The following SPOCK1 variants were observed in gnomAD, a reference collection of about 807,000 sequenced individuals.
SPOCK1 encodes the protein testican-1.
SPOCK1 carries 23 observed loss-of-function variants against 55.3 expected under a neutral mutation model. The observed-to-expected ratio is 0.42, with a 90% CI of 0.30 to 0.59. The LOEUF is 0.59. Ranked by LOEUF, SPOCK1 falls within the 20% of genes least tolerant of loss-of-function variation. The pLI, the probability that SPOCK1 is intolerant of heterozygous loss-of-function variation, is 0.22. For synonymous variants in SPOCK1, 226 were observed against 221.0 expected (o/e 1.02, Z -0.20); for missense variants, 499 against 552.5 (o/e 0.90, Z 0.97).
intron 2 of SPOCK1, among the ~76,000 whole-genome samples, chr5:137,391,696 C>T (rs1417890500): frequency 6.6e-6 from 1 of 152,126 alleles, no homozygotes; most frequent in Non-Finnish European, 1.5e-5. Context: ...ATTCCTCCTC[C>T]TCAGCTGGTT....
intron 2 of SPOCK1, among the ~76,000 whole-genome samples, chr5:137,283,466 C>A (rs1410164117): frequency 1.3e-5 from 2 of 152,188 alleles, no homozygotes; most frequent in Admixed American, 1.3e-4. Flanking sequence ...GTAATCCCAG[C>A]ACTATGGGAG....
At chr5:137,290,208 C>G (rs1412908889) in intron 2 of SPOCK1, among the ~76,000 whole-genome samples, 1 of 152,088 alleles carries the variant, frequency 6.6e-6, no homozygotes. Context: ...AAATATCCAC[C>G]AGGAATATTA....
At chr5:137,356,838 T>TATATATATAGAGAGAGAGAGAGAGAG (rs1554077335) in intron 2 of SPOCK1, among the ~76,000 whole-genome samples, 2 of 5,460 alleles carry the variant, frequency 3.7e-4, no homozygotes, top group African/African-American at 1.7e-3. Flanking sequence ...TATATATATA[T>TATATATATAGAGAGAGAGAGAGAGAG]AGAGAGAGAG....
intron 2 of SPOCK1, among the ~76,000 whole-genome samples, chr5:137,422,772 T>C (rs889785511): frequency 2.0e-5 from 3 of 152,246 alleles, no homozygotes; most frequent in Admixed American, 1.3e-4. Flanking sequence ...TCTGAAGCCT[T>C]CTTCTCTCAA....
intron 5 of SPOCK1, among the ~76,000 whole-genome samples, chr5:137,074,379 A>G (rs865958497): frequency 1.8e-4 from 28 of 152,218 alleles, no homozygotes. Flanking sequence ...GTTATATAAG[A>G]GAACACCCCT....
chr5:137,472,002 T>C lies in SPOCK1; in HGVS notation c.186+26371A>G, dbSNP rs1038631935. 2.0e-5 allele frequency among the ~76,000 whole-genome samples: 3 copies of C among 152,032 alleles called. No individual in the cohort carries two copies. The South Asian group carries it at 6.2e-4, about 32-fold the overall frequency. ...AGCAACTGACAAGGGTGAGCAGAAA[T>C]AAAAGGGATGAAAACATCCCTCAAG... On this transcript the variant is annotated intron_variant, in intron 2 of 10. Coordinates refer to ENST00000394945, the MANE Select transcript of SPOCK1 (RefSeq NM_004598.4).
intron 6 of SPOCK1, among the ~76,000 whole-genome samples, chr5:137,018,928 G>GA (rs1751506818): frequency 6.6e-6 from 1 of 152,066 alleles, no homozygotes; most frequent in Non-Finnish European, 1.5e-5. Context: ...GAATGTAATT[G>GA]AAAAATCAAC....
intron 5 of SPOCK1, among the ~76,000 whole-genome samples, chr5:137,079,322 G>A (rs1375979099): frequency 6.6e-6 from 1 of 152,198 alleles, no homozygotes; most frequent in Non-Finnish European, 1.5e-5. Context: ...ATAGATGCAT[G>A]GGCAGGAGGA....
chr5:137,021,415 TAAG>T (rs963389490), intron 6 of SPOCK1, among the ~76,000 whole-genome samples: 48 of 152,186 alleles, frequency 3.2e-4, no homozygotes, highest in African/African-American at 1.1e-3. Context: ...TAGCACGAAA[TAAG>T]GAGGAGAGAG....
At chr5:137,341,535 A>G (rs1485571100) in intron 2 of SPOCK1, among the ~76,000 whole-genome samples, 1 of 152,260 alleles carries the variant, frequency 6.6e-6, no homozygotes, top group Non-Finnish European at 1.5e-5. Context: ...TGTGCCTACT[A>G]GCACAGAAGG....
intron 4 of SPOCK1, among the ~76,000 whole-genome samples, chr5:137,132,019 TA>T (rs796357647): frequency 1.2e-4 from 7 of 56,078 alleles, no homozygotes; most frequent in African/African-American, 5.1e-4. Flanking sequence ...TATATATATA[TA>T]AAAAATTAGC....
At chr5:137,298,226 C>T (rs1318811327) in intron 2 of SPOCK1, among the ~76,000 whole-genome samples, 1 of 152,176 alleles carries the variant, frequency 6.6e-6, no homozygotes, top group Non-Finnish European at 1.5e-5. Flanking sequence ...CCATACCCCA[C>T]CCTGAGGGCA....
At chr5:136,981,171 T>C (rs138936817) in intron 9 of SPOCK1, among the ~76,000 whole-genome samples, 6 of 152,322 alleles carry the variant, frequency 3.9e-5, no homozygotes, top group Non-Finnish European at 8.8e-5. Flanking sequence ...ATTTATTTAA[T>C]CCTCCAGCTA....
intron 3 of SPOCK1, among the ~76,000 whole-genome samples, chr5:137,212,645 A>C (rs1755638506): frequency 6.6e-6 from 1 of 152,194 alleles, no homozygotes; most frequent in Admixed American, 6.5e-5. Context: ...CCATATGGTT[A>C]CTTTTTTAGT....
intron 2 of SPOCK1, among the ~76,000 whole-genome samples, chr5:137,394,974 A>G (rs1344415657): frequency 1.3e-5 from 2 of 152,234 alleles, no homozygotes; most frequent in African/African-American, 4.8e-5. Flanking sequence ...ATAACTCAGC[A>G]AAGCTGAGGT....
At chr5:137,243,916 C>T (rs1175049390) in intron 3 of SPOCK1, among the ~76,000 whole-genome samples, 1 of 152,084 alleles carries the variant, frequency 6.6e-6, no homozygotes, top group East Asian at 1.9e-4. Context: ...GATCTATGGG[C>T]AATGAACAGG....
At chr5:137,051,817 C>T (rs556783189) in intron 6 of SPOCK1, among the ~76,000 whole-genome samples, 112 of 152,242 alleles carry the variant, frequency 7.4e-4, no homozygotes, top group African/African-American at 2.6e-3. Context: ...CCAGTATGAT[C>T]AAAGAAGTAA....
intron 2 of SPOCK1, among the ~76,000 whole-genome samples, chr5:137,408,416 G>T (rs953204779): frequency 4.6e-5 from 7 of 152,290 alleles, no homozygotes; most frequent in Non-Finnish European, 1.0e-4. Context: ...GGCTGAAGAA[G>T]AAACACCACA....
intron 4 of SPOCK1, among the ~76,000 whole-genome samples, chr5:137,137,537 C>G (rs1431489063): frequency 1.3e-5 from 2 of 152,296 alleles, no homozygotes; most frequent in Admixed American, 1.3e-4. Context: ...CTTCCTGGAC[C>G]AGGCCACCTC....
Sources: allele counts gnomAD v4.1 joint callset (sites outside exome capture counted in the v4.1 genomes callset), GRCh38; gene constraint gnomAD v4.1.1; transcripts MANE v1.5; gene names NCBI Gene and HGNC (gene_info 2026-07-23, HGNC 2026-07-21).